CELF1: variants seen among roughly 807,000 people sequenced by gnomAD.
CELF1 encodes 50 kDa nuclear polyadenylated RNA-binding protein.
Under a neutral mutation model 61.8 loss-of-function variants are expected in CELF1, and 10 were observed. The observed-to-expected ratio is 0.16, with a 90% CI of 0.10 to 0.27. The LOEUF (loss-of-function observed/expected upper bound fraction) is 0.27, where lower values mean the gene tolerates loss of function less well. Ranked by LOEUF, CELF1 falls within the 10% of genes least tolerant of loss-of-function variation. The probability of loss-of-function intolerance (pLI) is 1.00; values close to 1 mark genes in which losing one functional copy is unlikely to be tolerated. For missense variants in CELF1, 380 were observed against 639.1 expected, an observed-to-expected ratio of 0.59 and a Z score of 4.37; for synonymous variants, 236 against 225.1, an observed-to-expected ratio of 1.05 and a Z score of -0.43.
chr11:47,514,164 A>G (rs564949429), intron 1 of CELF1, among the ~76,000 whole-genome samples: 231 of 152,214 alleles, frequency 1.5e-3, no homozygotes, highest in African/African-American at 5.2e-3. Flanking sequence ...ACCTCAAGTG[A>G]TGGGCTCACC....
At chr11:47,535,054 G>C (rs530772611) in intron 1 of CELF1, among the ~76,000 whole-genome samples, 1 of 152,144 alleles carries the variant, frequency 6.6e-6, no homozygotes, top group African/African-American at 2.4e-5. Context: ...CATAGATCTA[G>C]CTTAGCCCCA....
chr11:47,490,857 TTTTC>T (rs1449251861), intron 3 of CELF1, among the ~76,000 whole-genome samples: 10 of 151,842 alleles, frequency 6.6e-5, no homozygotes, highest in East Asian at 1.9e-4. Flanking sequence ...TTACTATATA[TTTTC>T]TTTCTTTTTT....
rs1202482707 is a variant in CELF1 at position 47,470,756 on chromosome 11, T to G, written c.*1474A>C. The G allele has an allele frequency of 6.6e-6, 1 of 152,142 alleles. No individual in the cohort carries two copies. The highest frequency in any genetic ancestry group is 1.5e-5 in the Non-Finnish European group (1 of 68,056). 9.4% of individuals were successfully genotyped at this position (152,142 alleles called of 1,614,324 possible). A position where few individuals can be genotyped will look rare whatever the true frequency, so the allele number is the denominator to read the frequency against. On this transcript the variant is annotated 3_prime_UTR_variant, in exon 15 of 15. Coordinates refer to ENST00000687097, the MANE Select transcript of CELF1 (RefSeq NM_001376376.1). ...CCTGGCTGTGGCTACAGTCACATCT[T>G]AACAGGGCCACCTCTGCCCAGGTGT...
chr11:47,562,361 A>G (rs533047888), intron 2 of CELF1, among the ~76,000 whole-genome samples: 11 of 151,562 alleles, frequency 7.3e-5, no homozygotes, highest in Admixed American at 2.6e-4. Flanking sequence ...GCCTGTCTCT[A>G]CCAAAAATAC....
At chr11:47,533,809 C>CAAAAAAA (rs58856403) in intron 1 of CELF1, among the ~76,000 whole-genome samples, 2 of 85,294 alleles carry the variant, frequency 2.3e-5, no homozygotes, top group Non-Finnish European at 4.3e-5. Context: ...GACTCTCCCC[C>CAAAAAAA]AAAAAAAAAA....
At chr11:47,476,429 A>C (rs948575690) in intron 12 of CELF1, among the ~76,000 whole-genome samples, 2 of 151,924 alleles carry the variant, frequency 1.3e-5, no homozygotes, top group East Asian at 3.9e-4. Flanking sequence ...TGATTTAAAA[A>C]TCCCATGCTT....
At position 47,487,226 on chromosome 11, in the gene CELF1, G is replaced by A; in HGVS notation, c.275C>T (p.Thr92Ile). The change falls in exon 5 of 15, where the codon ACA (threonine) becomes ATA (isoleucine). Residue 92 changes from threonine (T) to isoleucine (I), a missense_variant. Coordinates refer to ENST00000687097, the MANE Select transcript of CELF1 (RefSeq NM_001376376.1). ...PPQSKGCCFV[T>I]FYTRKAALEA... The stretch of plus-strand genomic sequence containing the variant: ...TAATGCAGCTTTACGGGTGTAAAAT[G>A]TAACAAAACAGCACCCTGCAATAAA... 2 of 1,611,692 alleles carry A rather than the reference G, an allele frequency of 1.2e-6. No homozygotes were observed. Among genetic ancestry groups the A allele is most frequent in the South Asian group, 1.1e-5 (1 of 91,044 alleles).
At chr11:47,475,759 T>A (rs988240484) in intron 12 of CELF1, among the ~76,000 whole-genome samples, 3 of 152,140 alleles carry the variant, frequency 2.0e-5, no homozygotes, top group African/African-American at 7.2e-5. Context: ...ATTACCTTCA[T>A]CCAATCTGTG....
upstream of CELF1, chr11:47,553,267 G>C: frequency 2.6e-6 from 1 of 378,572 alleles, no homozygotes; most frequent in Non-Finnish European, 4.7e-6. Context: ...GTAGGGGCGG[G>C]CCGAGCGCCG....
chr11:47,547,177 T>C (rs891622686), intron 1 of CELF1, among the ~76,000 whole-genome samples: 2 of 151,858 alleles, frequency 1.3e-5, no homozygotes, highest in African/African-American at 2.4e-5. Flanking sequence ...GTGATTTGGA[T>C]TATCGTTATA....
intron 4 of CELF1, among the ~76,000 whole-genome samples, chr11:47,488,495 T>C (rs1205680448): frequency 6.6e-6 from 1 of 152,222 alleles, no homozygotes; most frequent in Admixed American, 6.5e-5. Flanking sequence ...TTGTTATCTG[T>C]TCCCAAGGTC....
chr11:47,474,067 T>C (rs915828393), intron 13 of CELF1, among the ~76,000 whole-genome samples: 8 of 152,126 alleles, frequency 5.3e-5, no homozygotes, highest in Non-Finnish European at 1.2e-4. Flanking sequence ...CCACCATGCC[T>C]GGCGTATTTT....
chr11:47,516,803 A>G (rs1232775180), intron 1 of CELF1, among the ~76,000 whole-genome samples: 2 of 151,934 alleles, frequency 1.3e-5, no homozygotes, highest in East Asian at 1.9e-4. Context: ...AGGTTTCATC[A>G]TGTTGGCCAG....
At chr11:47,550,823 T>C (rs184095040) in intron 1 of CELF1, among the ~76,000 whole-genome samples, 1 of 152,264 alleles carries the variant, frequency 6.6e-6, no homozygotes, top group African/African-American at 2.4e-5. Context: ...TTACTGAAGC[T>C]GAACTAATAC....
intron 1 of CELF1, among the ~76,000 whole-genome samples, chr11:47,543,953 T>G (rs1198837626): frequency 2.0e-5 from 3 of 152,144 alleles, no homozygotes; most frequent in Non-Finnish European, 4.4e-5. Context: ...ATCCAAAATA[T>G]TCATTTATAA....
At chr11:47,494,486 C>T (rs1443480683) in intron 3 of CELF1, 4 of 983,580 alleles carry the variant, frequency 4.1e-6, no homozygotes, top group Non-Finnish European at 4.8e-6. Context: ...AAGAGACACA[C>T]GAGGGAACAA....
chr11:47,482,708 G>T lies in CELF1; in HGVS notation c.755C>A (p.Pro252His), dbSNP rs751215397. The T allele has an allele frequency of 1.9e-6, 3 of 1,613,576 alleles. No homozygotes were observed. The highest frequency in any genetic ancestry group is 2.5e-6 in the Non-Finnish European group (3 of 1,179,910). ...GNLAGLNTLG[P>H]QYLALYLQLL... ...ACAAAGACTCACTGCTAAATACTGG[G>T]GTCCAAGAGTATTTAGACCAGCAAG... Residue 252 changes from proline to histidine, a missense_variant, in exon 9 of 15, where the codon CCC (proline) becomes CAC (histidine). Pro to His is a moderately conservative substitution (Grantham distance 77). Coordinates refer to ENST00000687097, the MANE Select transcript of CELF1 (RefSeq NM_001376376.1).
intron 8 of CELF1, 51 bp from the exon 9 acceptor site, chr11:47,482,907 A>G (rs1290792828): frequency 1.9e-6 from 3 of 1,548,146 alleles, no homozygotes; most frequent in Non-Finnish European, 1.8e-6. Flanking sequence ...TGAAAAGAAG[A>G]AAAAAAATCT....
chr11:47,536,337 T>C (rs574732742), intron 1 of CELF1, among the ~76,000 whole-genome samples: 1 of 152,246 alleles, frequency 6.6e-6, no homozygotes, highest in East Asian at 1.9e-4. Context: ...CTGTACTCCA[T>C]CGTGGGCGAC....
Sources: gnomAD v4.1 joint callset for allele counts (sites outside exome capture counted in the v4.1 genomes callset) on GRCh38, gnomAD v4.1.1 for gene constraint, MANE v1.5 for transcripts, NCBI Gene and HGNC (gene_info 2026-07-23, HGNC 2026-07-21) for gene names.